Variants in GFPT2 observed in about 807,000 individuals in gnomAD.
GFPT2 encodes the protein glutamine--fructose-6-phosphate aminotransferase [isomerizing] 2.
GFPT2 carries 62 observed loss-of-function variants against 85.6 expected under a neutral mutation model. The ratio of observed to expected loss-of-function variants is 0.72; its 90% CI spans 0.59 to 0.90. The LOEUF (loss-of-function observed/expected upper bound fraction) is 0.90, where lower values mean the gene tolerates loss of function less well. Ranked by LOEUF, GFPT2 falls within the 40% of genes least tolerant of loss-of-function variation. The pLI is 0.00. For synonymous variants in GFPT2, 368 were observed against 344.5 expected (o/e 1.07, Z -0.75); for missense variants, 788 against 893.4 (o/e 0.88, Z 1.50).
rs372147122 is a variant in GFPT2 at position 180,307,290 on chromosome 5, T to A, written c.1560A>T (p.Glu520Asp). Residue 520 changes from glutamate to aspartate, a missense_variant, in exon 16 of 19, where the codon GAA (glutamate) becomes GAT (aspartate). Physicochemically the swap from Glu to Asp is conservative, Grantham distance 45 (BLOSUM62 2). Transcript: ENST00000253778. The part of the protein sequence containing the change: ...GLRSLPELIK[E>D]VLSLEEKIHD... ...GGATCTTCTCCTCCAGAGACAGCAC[T>A]TCCTTGATCAGCTCTGGGCCATGCA... The A allele has an allele frequency of 3.7e-6, 6 of 1,613,978 alleles. No homozygotes were observed. The highest frequency in any genetic ancestry group is 5.1e-6 in the Non-Finnish European group (6 of 1,179,882).
At chr5:180,340,845 T>G (rs192991648) in intron 1 of GFPT2, among the ~76,000 whole-genome samples, 5 of 152,234 alleles carry the variant, frequency 3.3e-5, no homozygotes, top group Admixed American at 3.3e-4. Flanking sequence ...ACTCATCCCA[T>G]TCGTGAGGCC....
intron 7 of GFPT2, 96 bp from the exon 8 acceptor site, chr5:180,324,991 C>T: frequency 1.2e-6 from 1 of 809,198 alleles, no homozygotes. Context: ...AAATCTAGCC[C>T]TTTCCCAGTG....
intron 1 of GFPT2, among the ~76,000 whole-genome samples, chr5:180,345,682 T>A (rs955513791): frequency 3.9e-5 from 6 of 152,118 alleles, no homozygotes; most frequent in African/African-American, 1.4e-4. Flanking sequence ...CATTGCTGAG[T>A]CCCCAGCACC....
rs989215528 is a variant in GFPT2, at chr5:180,318,201, T to A, written c.958+592A>T. 4.0e-5 allele frequency among the ~76,000 whole-genome samples: 6 copies of A among 151,318 alleles called. No homozygotes were observed. The highest frequency in any genetic ancestry group is 1.5e-4 in the African/African-American group (6 of 41,152). On this transcript the variant is annotated intron_variant, in intron 10 of 18. Transcript: ENST00000253778. The surrounding 1 kb of genome is among the most constrained non-coding windows in gnomAD (Gnocchi z 4.2). ...GGGCACAGTGGGACAGAGGGTTGAG[T>A]GTGGTGGGGCCAGGCTTTGGCCCCA...
intron 1 of GFPT2, among the ~76,000 whole-genome samples, chr5:180,350,591 T>G (rs1279332856): frequency 6.6e-6 from 1 of 152,132 alleles, no homozygotes; most frequent in Non-Finnish European, 1.5e-5. Context: ...TGGAAAACAC[T>G]GGGCATTTCC....
intron 9 of GFPT2, among the ~76,000 whole-genome samples, chr5:180,320,112 C>G (rs921794895): frequency 1.5e-4 from 23 of 152,118 alleles, no homozygotes; most frequent in Non-Finnish European, 3.1e-4. Context: ...CCTGCCTCAG[C>G]CTCCCGAGTA....
rs190283064 is a variant in GFPT2, at chr5:180,328,758, G to A, written c.535-420C>T. On this transcript the variant is annotated intron_variant, in intron 6 of 18. Coordinates refer to ENST00000253778, the MANE Select transcript of GFPT2 (RefSeq NM_005110.4). This position sits in a 1 kb window ranked among gnomAD's most constrained non-coding sequence, Gnocchi z 5.4. ...CGGTAGGGCCTGGGTTCAAATCCTG[G>A]CTCCACCCCTGCACTGGGCTCTCCC... 6.6e-5 allele frequency among the ~76,000 whole-genome samples: 10 copies of A among 152,174 alleles called. No individual in the cohort carries two copies. Among genetic ancestry groups the A allele is most frequent in the African/African-American group, 1.4e-4 (6 of 41,438 alleles).
intron 15 of GFPT2, among the ~76,000 whole-genome samples, chr5:180,309,892 A>G (rs1396196100): frequency 1.4e-5 from 2 of 142,432 alleles, no homozygotes; most frequent in African/African-American, 2.6e-5. Flanking sequence ...CTCACTGCAA[A>G]CTCTGCCTCC....
chr5:180,312,046 A>G (rs1207665619), intron 15 of GFPT2, among the ~76,000 whole-genome samples: 6 of 18,054 alleles, frequency 3.3e-4, no homozygotes, highest in Non-Finnish European at 5.3e-4. Context: ...GGGGAGGCTG[A>G]GGGGCAGGGA....
At chr5:180,324,554 T>C (rs1414227149) in intron 8 of GFPT2, 4 of 586,294 alleles carry the variant, frequency 6.8e-6, no homozygotes, top group African/African-American at 3.7e-5. Context: ...CAAAGCCCAG[T>C]TGCCGTTATA....
intron 1 of GFPT2, chr5:180,352,482 G>A (rs1313904849): frequency 2.2e-6 from 1 of 451,622 alleles, no homozygotes; most frequent in Non-Finnish European, 4.4e-6. Context: ...CCTCCCCACG[G>A]TCCCGCAGCC....
intron 15 of GFPT2, among the ~76,000 whole-genome samples, chr5:180,310,762 G>C (rs1763864456): frequency 7.9e-6 from 1 of 126,262 alleles, no homozygotes; most frequent in African/African-American, 3.0e-5. Context: ...AGGACACAAT[G>C]ACCAGTAGGC....
chr5:180,349,607 G>C (rs780824450), intron 1 of GFPT2, among the ~76,000 whole-genome samples: 3 of 152,164 alleles, frequency 2.0e-5, no homozygotes, highest in Non-Finnish European at 4.4e-5. Flanking sequence ...GGAGCTGGGA[G>C]AGGCCGGCGA....
chr5:180,351,069 G>C (rs1463252253), intron 1 of GFPT2, among the ~76,000 whole-genome samples: 1 of 152,186 alleles, frequency 6.6e-6, no homozygotes, highest in Non-Finnish European at 1.5e-5. Context: ...TGTACTAATA[G>C]CATAATCACT....
Position 180,318,932 on chromosome 5 carries a change from C to A in GFPT2, c.819G>T (p.Arg273=). 6.2e-7 allele frequency: 1 copy of A among 1,613,226 alleles called. No individual in the cohort carries two copies. Residue 273 remains arginine, a synonymous_variant, in exon 10 of 19, where the codon CGG becomes CGT. Coordinates refer to ENST00000253778, the MANE Select transcript of GFPT2 (RefSeq NM_005110.4). The surrounding 1 kb of genome is among the most constrained non-coding windows in gnomAD (Gnocchi z 4.2). ...TGTCATCGTCCTCCAGGAAGATGACCCGGTTGGTGTGCTCTATGATAGCGC... is the reference window on the plus strand; with the variant it reads ...TGTCATCGTCCTCCAGGAAGATGACACGGTTGGTGTGCTCTATGATAGCGC... ...DASAIIEHTN[R]VIFLEDDDIA...
intron 1 of GFPT2, among the ~76,000 whole-genome samples, chr5:180,342,155 G>A (rs1764528893): frequency 6.6e-6 from 1 of 152,120 alleles, no homozygotes; most frequent in South Asian, 2.1e-4. Flanking sequence ...CCATGACTGT[G>A]AGGCCTCCCC....
At chr5:180,303,341 C>G (rs778523128) in intron 17 of GFPT2, among the ~76,000 whole-genome samples, 3 of 152,140 alleles carry the variant, frequency 2.0e-5, no homozygotes, top group Non-Finnish European at 4.4e-5. Flanking sequence ...CAGGAGACAT[C>G]TGGACTGAAC....
rs192151191 is a variant in GFPT2 at position 180,312,942 on chromosome 5, A to G, written c.1432-398T>C. 8.8e-4 allele frequency among the ~76,000 whole-genome samples: 133 copies of G among 151,950 alleles called. 2 individuals are homozygous for G. The East Asian group carries it at 0.025, about 29-fold the overall frequency. On this transcript the variant is annotated intron_variant, in intron 14 of 18. Coordinates refer to ENST00000253778, the MANE Select transcript of GFPT2 (RefSeq NM_005110.4). ...CAGGCACCCGCCACCACACCCGACT[A>G]ATTTTTGTGTTTTTAGTAGAGACGG...
intron 13 of GFPT2, 89 bp from the exon 14 acceptor site, chr5:180,314,053 G>A: frequency 7.6e-7 from 1 of 1,319,960 alleles, no homozygotes; most frequent in Non-Finnish European, 1.0e-6. Context: ...GCTCTTACAG[G>A]GAAATCGGCG....
Sources: gnomAD v4.1 joint callset for allele counts (sites outside exome capture counted in the v4.1 genomes callset) on GRCh38, gnomAD v4.1.1 for gene constraint, Gnocchi (gnomAD v3.1) non-coding constraint, MANE v1.5 for transcripts, NCBI Gene and HGNC (gene_info 2026-07-23, HGNC 2026-07-21) for gene names.